The following KLRG1 variants were observed in gnomAD, a reference collection of about 807,000 sequenced individuals.
KLRG1 encodes killer cell lectin-like receptor subfamily G member 1.
A neutral mutation model predicts 21.8 loss-of-function variants in KLRG1; 16 were observed. The ratio of observed to expected loss-of-function variants is 0.73; its 90% CI spans 0.50 to 1.11. The LOEUF is 1.11. Ranked by LOEUF, KLRG1 falls within the 50% of genes most tolerant of loss-of-function variation. The pLI, the probability that KLRG1 is intolerant of heterozygous loss-of-function variation, is 0.00. For missense variants in KLRG1, 173 were observed against 218.3 expected (o/e 0.79, Z 1.31); for synonymous variants, 69 against 75.9 (o/e 0.91, Z 0.47).
chr12:9,081,251 G>T, the KLRG1 span, among the ~76,000 whole-genome samples: 255 of 152,192 alleles, frequency 1.7e-3, 1 homozygote, highest in Non-Finnish European at 2.6e-3. Flanking sequence ...TTGTAATTAA[G>T]AAAATATAAA....
At chr12:9,127,923 G>C in the KLRG1 span, 2 of 344,606 alleles carry the variant, frequency 5.8e-6, no homozygotes, top group African/African-American at 4.4e-5. Flanking sequence ...CAAGATTCTT[G>C]GTGTCACCAT....
the KLRG1 span, among the ~76,000 whole-genome samples, chr12:9,065,529 C>T: frequency 6.6e-6 from 1 of 152,200 alleles, no homozygotes; most frequent in Non-Finnish European, 1.5e-5. Context: ...GCCGTCTCGG[C>T]CCCCTTTGGA....
chr12:9,187,058 A>T, the KLRG1 span, among the ~76,000 whole-genome samples: 1 of 133,382 alleles, frequency 7.5e-6, no homozygotes, highest in African/African-American at 2.7e-5. Context: ...GACAAAACAG[A>T]CTTTAAACCA....
the KLRG1 span, chr12:9,158,615 T>C: frequency 4.0e-5 from 64 of 1,604,046 alleles, no homozygotes; most frequent in African/African-American, 5.9e-4. Context: ...GCTCTTTTCA[T>C]TGAGCACTTT....
chr12:9,010,253 T>G lies in KLRG1; in HGVS notation c.*716T>G. ...GAAATGAGTGAGGGCAAGGTGGTAC[T>G]TCCTCCTTCTGAGCTCTTCACACGT... On this transcript the variant is annotated 3_prime_UTR_variant, in exon 5 of 5. Transcript: ENST00000356986. 1 of 487,080 alleles carries G rather than the reference T, an allele frequency of 2.1e-6. No individual in the cohort carries two copies. The highest frequency in any genetic ancestry group is 3.7e-6 in the Non-Finnish European group (1 of 273,600). The allele number at this position is 487,080 out of a possible 1,614,324, so 30.2% of individuals were successfully genotyped here. A position where few individuals can be genotyped will look rare whatever the true frequency, so the allele number is the denominator to read the frequency against.
chr12:9,035,079 GAA>G, the KLRG1 span, among the ~76,000 whole-genome samples: 1 of 152,078 alleles, frequency 6.6e-6, no homozygotes, highest in Non-Finnish European at 1.5e-5. Flanking sequence ...TATAAAGAAA[GAA>G]AATATTTTTG....
At chr12:9,196,698 C>A in the KLRG1 span, 106 of 1,551,142 alleles carry the variant, frequency 6.8e-5, 1 homozygote, top group South Asian at 8.5e-4. Flanking sequence ...GAGAAAAATA[C>A]CAAAACCAAT....
chr12:8,953,424 G>T (rs1012965475), intron 1 of KLRG1, among the ~76,000 whole-genome samples: 4 of 152,192 alleles, frequency 2.6e-5, no homozygotes, highest in African/African-American at 9.7e-5. Flanking sequence ...AATTAGGAAA[G>T]GGTAGGTGTA....
chr12:9,148,568 C>T, the KLRG1 span, among the ~76,000 whole-genome samples: 1 of 152,112 alleles, frequency 6.6e-6, no homozygotes, highest in Non-Finnish European at 1.5e-5. Flanking sequence ...TCTCAAACAT[C>T]TCTTCTGATG....
chr12:9,069,132 T>A, the KLRG1 span: 1 of 227,758 alleles, frequency 4.4e-6, no homozygotes, highest in Non-Finnish European at 8.5e-6. Flanking sequence ...GTTCATTTTT[T>A]AATATCCAGA....
chr12:9,170,481 A>C, the KLRG1 span, among the ~76,000 whole-genome samples: 5 of 152,204 alleles, frequency 3.3e-5, no homozygotes, highest in Non-Finnish European at 7.3e-5. This position sits in a 1 kb window ranked among gnomAD's most constrained non-coding sequence, Gnocchi z 4.6. Context: ...CAGAGAGCCA[A>C]AGAGCATCAT....
chr12:9,168,927 C>G, the KLRG1 span: 1 of 1,614,098 alleles, frequency 6.2e-7, no homozygotes, highest in East Asian at 2.2e-5. Flanking sequence ...CTGAACACGA[C>G]TTTGGTTTTC....
chr12:9,201,884 AG>A, the KLRG1 span, among the ~76,000 whole-genome samples: 2 of 152,082 alleles, frequency 1.3e-5, no homozygotes, highest in Admixed American at 6.6e-5. Flanking sequence ...AGCATAAAAA[AG>A]TCTTTGTGTA....
At chr12:9,153,637 C>G in the KLRG1 span, among the ~76,000 whole-genome samples, 1 of 152,092 alleles carries the variant, frequency 6.6e-6, no homozygotes, top group Admixed American at 6.5e-5. Context: ...GAAGTTAAGA[C>G]AAAAATAGTG....
the KLRG1 span, among the ~76,000 whole-genome samples, chr12:9,019,575 A>C: frequency 6.6e-6 from 1 of 152,196 alleles, no homozygotes; most frequent in African/African-American, 2.4e-5. Context: ...TACATGAGGG[A>C]GTACTACTCA....
At chr12:9,125,157 A>ACC in the KLRG1 span, among the ~76,000 whole-genome samples, 1 of 152,232 alleles carries the variant, frequency 6.6e-6, no homozygotes, top group East Asian at 1.9e-4. Context: ...AGCAAGGAGC[A>ACC]CCCGCTCCAG....
chr12:9,163,680 G>T, the KLRG1 span: 3 of 1,613,606 alleles, frequency 1.9e-6, no homozygotes, highest in Admixed American at 5.0e-5. Flanking sequence ...CCACCAACAG[G>T]GTTTTGATGA....
At chr12:9,127,510 C>G in the KLRG1 span, among the ~76,000 whole-genome samples, 1 of 152,230 alleles carries the variant, frequency 6.6e-6, no homozygotes, top group Non-Finnish European at 1.5e-5. Context: ...GAACCGTTCT[C>G]TGCCTCACCC....
At chr12:9,154,994 A>C in the KLRG1 span, among the ~76,000 whole-genome samples, 7 of 152,218 alleles carry the variant, frequency 4.6e-5, no homozygotes, top group Non-Finnish European at 5.9e-5. Context: ...ACTAACTCAC[A>C]CTTCTATGCT....
Sources: gnomAD v4.1 joint callset for allele counts (sites outside exome capture counted in the v4.1 genomes callset) on GRCh38, gnomAD v4.1.1 for gene constraint, Gnocchi (gnomAD v3.1) non-coding constraint, MANE v1.5 for transcripts, NCBI Gene and HGNC (gene_info 2026-07-23, HGNC 2026-07-21) for gene names.